Variants in STK39 observed in about 807,000 individuals in gnomAD.
The protein encoded by STK39 is STE20/SPS1-related proline-alanine-rich protein kinase.
Under a neutral mutation model 77.8 loss-of-function variants are expected in STK39, and 20 were observed. That is an observed-to-expected ratio of 0.26 (90% CI 0.18 to 0.37). STK39 has a LOEUF of 0.37. Ranked by LOEUF, STK39 falls within the 10% of genes least tolerant of loss-of-function variation. The probability of loss-of-function intolerance (pLI) is 1.00; values close to 1 mark genes in which losing one functional copy is unlikely to be tolerated. For missense variants in STK39, 479 were observed against 656.5 expected, an observed-to-expected ratio of 0.73 and a Z score of 2.95; for synonymous variants, 246 against 234.1, an observed-to-expected ratio of 1.05 and a Z score of -0.47.
At chr2:168,199,110 G>C (rs936942727) in intron 1 of STK39, among the ~76,000 whole-genome samples, 2 of 152,172 alleles carry the variant, frequency 1.3e-5, no homozygotes, top group Non-Finnish European at 2.9e-5. Flanking sequence ...TTCAGGCAAT[G>C]TTTAAAAGAA....
chr2:168,074,738 T>G (rs950743454), intron 12 of STK39, among the ~76,000 whole-genome samples: 8 of 152,194 alleles, frequency 5.3e-5, no homozygotes, highest in African/African-American at 1.9e-4. Flanking sequence ...GGCGACTTTC[T>G]TATAAGTACT....
chr2:168,075,569 G>A (rs551383302), intron 10 of STK39, among the ~76,000 whole-genome samples: 3 of 151,880 alleles, frequency 2.0e-5, no homozygotes, highest in Non-Finnish European at 2.9e-5. Flanking sequence ...ATATACAAAA[G>A]GCCATGTGGT....
intron 12 of STK39, among the ~76,000 whole-genome samples, chr2:168,073,283 C>A (rs535766301): frequency 2.4e-4 from 37 of 152,370 alleles, no homozygotes; most frequent in Admixed American, 5.9e-4. Flanking sequence ...GACCTGCACC[C>A]ATCAGCCTTA....
chr2:167,986,071 A>G (rs1389649108), intron 16 of STK39, among the ~76,000 whole-genome samples: 2 of 152,220 alleles, frequency 1.3e-5, no homozygotes, highest in Non-Finnish European at 2.9e-5. Context: ...GTACATGGCC[A>G]GCACTGCCAA....
Position 168,247,496 on chromosome 2 carries a change from TC to T in STK39, c.-62del. The T allele has an allele frequency of 2.5e-6, 3 of 1,210,082 alleles. No homozygotes were observed. Among genetic ancestry groups the T allele is most frequent in the Non-Finnish European group, 2.1e-6 (2 of 959,766 alleles). The allele number at this position is 1,210,082 out of a possible 1,614,324, so 75.0% of individuals were successfully genotyped here. A position where few individuals can be genotyped will look rare whatever the true frequency, so the allele number is the denominator to read the frequency against. On this transcript the variant is annotated 5_prime_UTR_variant, in exon 1 of 18. Transcript: ENST00000355999. ...GACGGACGACCTTCCACTTGAAACT[TC>T]CTTTGCCTCGCCGCCGACACCTCTC...
At chr2:168,201,370 C>A (rs17797694) in intron 1 of STK39, among the ~76,000 whole-genome samples, 1 of 152,110 alleles carries the variant, frequency 6.6e-6, no homozygotes, top group East Asian at 1.9e-4. Flanking sequence ...CACGCAGACC[C>A]AGCATAGAGA....
chr2:168,192,847 T>C (rs1177870638), intron 1 of STK39, among the ~76,000 whole-genome samples: 2 of 152,148 alleles, frequency 1.3e-5, no homozygotes, highest in Non-Finnish European at 2.9e-5. Context: ...CTACAACCTT[T>C]TGAGAAAATG....
intron 16 of STK39, among the ~76,000 whole-genome samples, chr2:168,006,720 C>T (rs1026928998): frequency 3.3e-5 from 5 of 152,182 alleles, no homozygotes; most frequent in South Asian, 2.1e-4. Context: ...ATCTTATCAA[C>T]GGCTATTTAC....
intron 14 of STK39, among the ~76,000 whole-genome samples, chr2:168,056,533 AAC>A (rs1685531518): frequency 6.6e-6 from 1 of 152,194 alleles, no homozygotes; most frequent in Non-Finnish European, 1.5e-5. Context: ...TGTGGAGCAT[AAC>A]ACACATAAAT....
At chr2:168,101,740 A>G (rs1254554940) in intron 10 of STK39, among the ~76,000 whole-genome samples, 1 of 152,240 alleles carries the variant, frequency 6.6e-6, no homozygotes, top group Non-Finnish European at 1.5e-5. Flanking sequence ...TCTGTCTCAA[A>G]AAAAATAAAA....
chr2:168,075,265 A>G, intron 10 of STK39, 34 bp from the exon 11 acceptor site: 1 of 1,611,640 alleles, frequency 6.2e-7, no homozygotes, highest in Admixed American at 1.7e-5. Flanking sequence ...ATTCTTCACT[A>G]GTCAAATGTG....
chr2:168,163,099 T>C (rs2105588463), intron 4 of STK39, among the ~76,000 whole-genome samples: 1 of 152,256 alleles, frequency 6.6e-6, no homozygotes, highest in East Asian at 1.9e-4. Context: ...AATTACATTA[T>C]TAGTATTACT....
intron 16 of STK39, among the ~76,000 whole-genome samples, chr2:167,973,231 TG>T (rs1345632121): frequency 6.6e-6 from 1 of 151,834 alleles, no homozygotes; most frequent in African/African-American, 2.4e-5. Flanking sequence ...TAAAGATTAT[TG>T]GTAAAATAAA....
intron 14 of STK39, among the ~76,000 whole-genome samples, chr2:168,036,550 T>C (rs1684960664): frequency 6.6e-6 from 1 of 152,210 alleles, no homozygotes; most frequent in Non-Finnish European, 1.5e-5. Context: ...AAAATGTTTA[T>C]CCATATAATT....
At chr2:168,230,838 A>G (rs1007229635) in intron 1 of STK39, among the ~76,000 whole-genome samples, 1 of 152,144 alleles carries the variant, frequency 6.6e-6, no homozygotes, top group African/African-American at 2.4e-5. Flanking sequence ...AAACTTGGAA[A>G]TGCCCCCAAG....
chr2:168,091,674 T>A (rs1384428354), intron 10 of STK39, among the ~76,000 whole-genome samples: 1 of 152,180 alleles, frequency 6.6e-6, no homozygotes, highest in Admixed American at 6.5e-5. Context: ...GGCTACTACA[T>A]TCATTTTTGT....
chr2:168,167,454 G>A (rs769381665), intron 2 of STK39, 47 bp from the exon 3 acceptor site: 9 of 1,553,222 alleles, frequency 5.8e-6, no homozygotes, highest in Non-Finnish European at 1.8e-6. Context: ...GTGAAAATTG[G>A]CAAGCAAAAC....
intron 13 of STK39, among the ~76,000 whole-genome samples, chr2:168,065,021 C>T (rs1685758046): frequency 6.6e-6 from 1 of 152,130 alleles, no homozygotes; most frequent in African/African-American, 2.4e-5. Context: ...TATCAATTAA[C>T]CACAATGTTC....
In STK39 at chr2:167,975,729, C is replaced by T. The variant is rs142152397; in HGVS notation, c.1499-11003G>A. 1.7e-4 allele frequency among the ~76,000 whole-genome samples: 26 copies of T among 152,268 alleles called. No individual in the cohort carries two copies. In the East Asian group the frequency reaches 5.0e-3, roughly 29 times the overall value. On this transcript the variant is annotated intron_variant, in intron 16 of 17. Transcript: ENST00000355999. The stretch of plus-strand genomic sequence containing the variant: ...CTTGGGAGGCTTAGGCAGGAGAATG[C>T]CGCAAACCTGGGAGGCGGAGTTTGC...
Sources: allele counts gnomAD v4.1 joint callset (sites outside exome capture counted in the v4.1 genomes callset), GRCh38; gene constraint gnomAD v4.1.1; transcripts MANE v1.5; gene names NCBI Gene and HGNC (gene_info 2026-07-23, HGNC 2026-07-21).